DBNL: variants seen among roughly 807,000 people sequenced by gnomAD.
The protein encoded by DBNL is drebrin like, also known as drebrin-like protein.
A neutral mutation model predicts 62.2 loss-of-function variants in DBNL; 35 were observed. That is an observed-to-expected ratio of 0.56 (90% CI 0.43 to 0.75). The LOEUF is 0.75. DBNL is among the 30% of genes least tolerant of loss of function. DBNL has a pLI of 0.00. For missense variants in DBNL, 495 were observed against 578.4 expected, an observed-to-expected ratio of 0.86 and a Z score of 1.48; for synonymous variants, 197 against 218.0, an observed-to-expected ratio of 0.90 and a Z score of 0.85.
rs2096143866 is a variant in DBNL at position 44,059,433 on chromosome 7, C to T, written c.915C>T (p.Ile305=). 1 of 1,614,120 alleles carries T rather than the reference C, an allele frequency of 6.2e-7. No homozygotes were observed. Among genetic ancestry groups the T allele is most frequent in the Middle Eastern group, 1.7e-4 (1 of 6,060 alleles). The change falls in exon 10 of 13, where the codon ATC becomes ATT. Residue 305 remains isoleucine (I), a synonymous_variant. Coordinates refer to ENST00000448521, the MANE Select transcript of DBNL (RefSeq NM_001014436.3). The surrounding 1 kb of genome is among the most constrained non-coding windows in gnomAD (Gnocchi z 4.1). The part of the protein sequence containing the change: ...THFGREPAAA[I]SRPRADLPAE... ...TTGGCAGAGAGCCAGCTGCTGCCAT[C>T]TCAAGGCCCAGGGCAGGCAAGGCGC...
In DBNL at chr7:44,059,565, G is replaced by A. The variant is rs751300650; in HGVS notation, c.954G>A (p.Ala318=). The A allele has an allele frequency of 5.1e-5, 82 of 1,612,516 alleles. 1 individual carries two copies. The Admixed American group carries it at 5.3e-4, about 10-fold the overall frequency. Residue 318 remains alanine, a synonymous_variant, in exon 11 of 13, where the codon GCG becomes GCA. Coordinates refer to ENST00000448521, the MANE Select transcript of DBNL (RefSeq NM_001014436.3). This position sits in a 1 kb window ranked among gnomAD's most constrained non-coding sequence, Gnocchi z 4.1. ...PRADLPAEEP[A]PSTPPCLVQA... ...CAGATCTCCCTGCTGAGGAGCCGGC[G>A]CCCAGCACTCCTCCATGTCTGGTGC...
Position 44,064,053 on chromosome 7 carries a change from C to G in DBNL, c.*3137C>G, listed in dbSNP as rs960736361. The G allele has an allele frequency of 1.6e-4, 25 of 152,702 alleles. No individual in the cohort carries two copies. The highest frequency in any genetic ancestry group is 6.0e-4 in the African/African-American group (25 of 41,594). The allele number at this position is 152,702 out of a possible 1,614,324, so 9.5% of individuals were successfully genotyped here. On this transcript the variant is annotated 3_prime_UTR_variant, in exon 13 of 13. Coordinates refer to ENST00000448521, the MANE Select transcript of DBNL (RefSeq NM_001014436.3). ...CCCAACGGCCCTAGGAGCAGGAGGT[C>G]TGGGGCACACCCTTCTAGCCTTTCC...
In DBNL at chr7:44,065,025, G is replaced by T; in HGVS notation, c.*4109G>T. On this transcript the variant is annotated 3_prime_UTR_variant, in exon 13 of 13. Transcript: ENST00000448521. Reference sequence around the variant, plus strand: ...CGTACCGACGCTCCTGGGGGACACAGGCACGCTGCTTTCCCTCCCAAGCCA... The same window carrying T: ...CGTACCGACGCTCCTGGGGGACACATGCACGCTGCTTTCCCTCCCAAGCCA... 1 of 1,606,714 alleles carries T rather than the reference G, an allele frequency of 6.2e-7. No individual in the cohort carries two copies.
In DBNL at chr7:44,059,636, CCTT is replaced by C. The variant is rs546848032; in HGVS notation, c.1028_1030del (p.Phe343del). The C allele has an allele frequency of 8.1e-6, 13 of 1,607,018 alleles. No homozygotes were observed. The African/African-American group carries it at 1.3e-4, about 16-fold the overall frequency. ...TATGAGGAACCTCCAGAGCAGGAGA[CCTT>C]CTACGAGCAGCCCCCACTGGTGGGT... is the stretch of plus-strand genomic sequence containing the variant. On this transcript the variant is annotated inframe_deletion, in exon 11 of 13. Coordinates refer to ENST00000448521, the MANE Select transcript of DBNL (RefSeq NM_001014436.3). This position sits in a 1 kb window ranked among gnomAD's most constrained non-coding sequence, Gnocchi z 4.1.
At chr7:44,058,097 T>TGAGCGGGCAGCAC (rs1562655301) in intron 6 of DBNL, 32 bp from the exon 7 acceptor site, 1 of 1,550,268 alleles carries the variant, frequency 6.5e-7, no homozygotes, top group Admixed American at 2.0e-5. Context: ...AGTGGCAGCA[T>TGAGCGGGCAGCAC]AGGGCTGAGC....
At chr7:44,058,629 C>G in intron 8 of DBNL, 149 bp downstream of exon 8, 1 of 1,130,894 alleles carries the variant, frequency 8.8e-7, no homozygotes, top group African/African-American at 1.6e-5. Flanking sequence ...CAAGAGGTGG[C>G]AGTAGAGAGG....
intron 4 of DBNL, among the ~76,000 whole-genome samples, chr7:44,055,474 A>C (rs2096134573): frequency 6.6e-6 from 1 of 152,166 alleles, no homozygotes; most frequent in African/African-American, 2.4e-5. Context: ...TCAGAAAAAA[A>C]CCCAAAAAAC....
chr7:44,045,088 C>T (rs543136933), intron 1 of DBNL, among the ~76,000 whole-genome samples: 51 of 152,372 alleles, frequency 3.3e-4, no homozygotes, highest in African/African-American at 1.2e-3. Flanking sequence ...GCTCGCCACC[C>T]ACTGTGGGCT....
At chr7:44,053,765 C>T (rs2096130633) in intron 4 of DBNL, among the ~76,000 whole-genome samples, 1 of 151,944 alleles carries the variant, frequency 6.6e-6, no homozygotes, top group Non-Finnish European at 1.5e-5. Context: ...CAAGCTCCGC[C>T]TCCCGGGTTC....
At position 44,060,168 on chromosome 7, in the gene DBNL, C is replaced by T. The variant is rs1297234813; in HGVS notation, c.1153+15C>T. On this transcript the variant is annotated intron_variant, in intron 12 of 12. Coordinates refer to ENST00000448521, the MANE Select transcript of DBNL (RefSeq NM_001014436.3). The surrounding 1 kb of genome is among the most constrained non-coding windows in gnomAD (Gnocchi z 6.3). The stretch of plus-strand genomic sequence containing the variant: ...CTACCAGGCAGGTAAGGTGCCCTGG[C>T]CTGGCTGGCACAGACCACAGGGTCC... 1.9e-6 allele frequency: 3 copies of T among 1,603,104 alleles called. No homozygotes were observed. The highest frequency in any genetic ancestry group is 2.6e-6 in the Non-Finnish European group (3 of 1,171,966).
Position 44,064,796 on chromosome 7 carries a change from C to A in DBNL, c.*3880C>A. ...TGAGAAGCCAGCTGGGGCTGCTGCCCACCCACCCTGCCCAGGCTCCTGAAG... is the reference window on the plus strand; with the variant it reads ...TGAGAAGCCAGCTGGGGCTGCTGCCAACCCACCCTGCCCAGGCTCCTGAAG... On this transcript the variant is annotated 3_prime_UTR_variant, in exon 13 of 13. Coordinates refer to ENST00000448521, the MANE Select transcript of DBNL (RefSeq NM_001014436.3). 4.3e-6 allele frequency: 5 copies of A among 1,158,926 alleles called. No individual in the cohort carries two copies. Among genetic ancestry groups the A allele is most frequent in the South Asian group, 2.6e-5 (2 of 77,646 alleles). 71.8% of individuals were successfully genotyped at this position (1,158,926 alleles called of 1,614,324 possible). A position where few individuals can be genotyped will look rare whatever the true frequency, so the allele number is the denominator to read the frequency against.
Position 44,062,660 on chromosome 7 carries a change from G to T in DBNL, c.*1744G>T. On this transcript the variant is annotated 3_prime_UTR_variant, in exon 13 of 13. Transcript: ENST00000448521. Reference sequence around the variant, plus strand: ...GGGGAGGGTGGGTGGCTGCACCCCTGGTTCTGGAGTCCCCACAGCTGATGG... The same window carrying T: ...GGGGAGGGTGGGTGGCTGCACCCCTTGTTCTGGAGTCCCCACAGCTGATGG... The T allele has an allele frequency of 7.8e-7, 1 of 1,286,656 alleles. No homozygotes were observed. The highest frequency in any genetic ancestry group is 1.1e-6 in the Non-Finnish European group (1 of 905,378). 79.7% of individuals were successfully genotyped at this position (1,286,656 alleles called of 1,614,324 possible). A position where few individuals can be genotyped will look rare whatever the true frequency, so the allele number is the denominator to read the frequency against.
At chr7:44,053,922 C>T (rs373180413) in intron 4 of DBNL, among the ~76,000 whole-genome samples, 79 of 152,088 alleles carry the variant, frequency 5.2e-4, no homozygotes, top group Admixed American at 1.4e-3. Flanking sequence ...GTGATTTGCC[C>T]GCCTTGGCCT....
rs572228033 is a variant in DBNL, at chr7:44,050,298, T to C, written c.139+18T>C. ...CACAGGGGGTGAGTATGACTCCAAA[T>C]GGACTCAGGGACACCAGGAGGTAGG... On this transcript the variant is annotated intron_variant, in intron 2 of 12. Coordinates refer to ENST00000448521, the MANE Select transcript of DBNL (RefSeq NM_001014436.3). 38 of 1,613,354 alleles carry C rather than the reference T, an allele frequency of 2.4e-5. 1 individual carries two copies. The South Asian group carries it at 4.2e-4, about 18-fold the overall frequency.
chr7:44,046,187 C>A (rs1425800566), intron 1 of DBNL, among the ~76,000 whole-genome samples: 1 of 152,188 alleles, frequency 6.6e-6, no homozygotes, highest in Non-Finnish European at 1.5e-5. Flanking sequence ...CACATCATAC[C>A]ACTTGGCTTT....
chr7:44,065,577 C>CCAA lies in DBNL; in HGVS notation c.*4664_*4666dup, dbSNP rs1474266683. On this transcript the variant is annotated 3_prime_UTR_variant, in exon 13 of 13. Coordinates refer to ENST00000448521, the MANE Select transcript of DBNL (RefSeq NM_001014436.3). ...GACTCTGGACGGGGACGGCTGCTTC[C>CCAA]CAACACTCCCAGCTTTATAATAGTG... 1.3e-6 allele frequency: 2 copies of CCAA among 1,552,196 alleles called. No homozygotes were observed. Among genetic ancestry groups the CCAA allele is most frequent in the African/African-American group, 2.7e-5 (2 of 73,802 alleles).
Position 44,065,162 on chromosome 7 carries a change from G to A in DBNL, c.*4246G>A, listed in dbSNP as rs372435680. 8.4e-5 allele frequency: 135 copies of A among 1,614,022 alleles called. No individual in the cohort carries two copies. The highest frequency in any genetic ancestry group is 1.1e-4 in the Non-Finnish European group (124 of 1,180,012). On this transcript the variant is annotated 3_prime_UTR_variant, in exon 13 of 13. Transcript: ENST00000448521. ...GGGGTGCTTCTCGTCCATCGGGGGC[G>A]GCGGGATGTCGAAGGAGCGCCTCCA...
At chr7:44,055,877 G>A (rs1031455569) in intron 4 of DBNL, among the ~76,000 whole-genome samples, 4 of 152,164 alleles carry the variant, frequency 2.6e-5, no homozygotes, top group Admixed American at 1.3e-4. Context: ...TTACTTTGTT[G>A]ATTGTTTCAT....
At position 44,056,777 on chromosome 7, in the gene DBNL, C is replaced by T. The variant is rs770594252; in HGVS notation, c.348C>T (p.Asn116=). 5 of 1,614,006 alleles carry T rather than the reference C, an allele frequency of 3.1e-6. No individual in the cohort carries two copies. Among genetic ancestry groups the T allele is most frequent in the Non-Finnish European group, 2.5e-6 (3 of 1,180,008 alleles). The change falls in exon 5 of 13, where the codon AAC becomes AAT. Residue 116 remains asparagine, a synonymous_variant. Coordinates refer to ENST00000448521, the MANE Select transcript of DBNL (RefSeq NM_001014436.3). ...TGCAGGGGGCCCATGTGACCATCAA[C>T]GCACGGGCCGAGGAGGATGTGGAGC... ...SFLKGAHVTI[N]ARAEEDVEPE...
Sources: gnomAD v4.1 joint callset for allele counts (sites outside exome capture counted in the v4.1 genomes callset) on GRCh38, gnomAD v4.1.1 for gene constraint, Gnocchi (gnomAD v3.1) non-coding constraint, MANE v1.5 for transcripts, NCBI Gene and HGNC (gene_info 2026-07-23, HGNC 2026-07-21) for gene names.